Variants in KIR2DL3 observed in about 807,000 individuals in gnomAD.
KIR2DL3 encodes killer cell immunoglobulin like receptor, two Ig domains and long cytoplasmic tail 3.
KIR2DL3 carries 39 observed loss-of-function variants against 33.8 expected under a neutral mutation model. That is an observed-to-expected ratio of 1.15 (90% CI 0.89 to 1.51). The LOEUF is 1.51. Ranked by LOEUF, KIR2DL3 falls within the 40% of genes most tolerant of loss-of-function variation. The pLI, the probability that KIR2DL3 is intolerant of heterozygous loss-of-function variation, is 0.00. For synonymous variants in KIR2DL3, 174 were observed against 160.2 expected (o/e 1.09, Z -0.65); for missense variants, 462 against 426.2 (o/e 1.08, Z -0.74).
In KIR2DL3 at chr19:54,750,048, C is replaced by T. The variant is rs1177864020; in HGVS notation, c.716-1601C>T. 1.5e-5 allele frequency among the ~76,000 whole-genome samples: 2 copies of T among 133,008 alleles called. 1 individual carries two copies. Among genetic ancestry groups the T allele is most frequent in the South Asian group, 5.3e-4 (2 of 3,800 alleles). 87.3% of individuals were successfully genotyped at this position (133,008 alleles called of 152,430 possible). On this transcript the variant is annotated intron_variant, in intron 5 of 7. Transcript: ENST00000342376. The stretch of plus-strand genomic sequence containing the variant: ...TTAGGCAATGAGCTTAAAACCTCTT[C>T]CCTATTTGGCTTTCTGTGAGAATGA...
intron 4 of KIR2DL3, among the ~76,000 whole-genome samples, chr19:54,746,067 G>A (rs1412810494): frequency 1.5e-5 from 2 of 133,002 alleles, no homozygotes; most frequent in Admixed American, 1.6e-4. Flanking sequence ...CCCACCTCAG[G>A]CTCTCAAAGG....
chr19:54,752,222 T>C lies in KIR2DL3; in HGVS notation c.827T>C (p.Val276Ala), dbSNP rs2365227. ...HRWCCNKKNA[V>A]VMDQEPAGNR... ...TGACTTCCGTCTTCTACAGATGCTG[T>C]TGTAATGGACCAAGAGCCTGCAGGG... The change falls in exon 7 of 8, where the codon GTT becomes GCT. Residue 276 changes from valine to alanine, a missense_variant. Coordinates refer to ENST00000342376, the MANE Select transcript of KIR2DL3 (RefSeq NM_015868.3). The C allele has an allele frequency of 8.1e-3, 11,244 of 1,387,958 alleles. 2,706 individuals are homozygous for C. Among genetic ancestry groups the C allele is most frequent in the African/African-American group, 0.051 (3,072 of 59,722 alleles). 86.0% of individuals were successfully genotyped at this position (1,387,958 alleles called of 1,614,324 possible).
intron 2 of KIR2DL3, among the ~76,000 whole-genome samples, chr19:54,740,955 G>A (rs1440463937): frequency 6.6e-5 from 10 of 151,508 alleles, no homozygotes; most frequent in Non-Finnish European, 8.8e-5. Flanking sequence ...AATGCAGGTG[G>A]CCTATAGAGG....
chr19:54,743,667 G>A (rs1476187302), intron 3 of KIR2DL3, 128 bp from the exon 4 acceptor site: 1 of 966,114 alleles, frequency 1.0e-6, no homozygotes, highest in South Asian at 1.8e-5. Flanking sequence ...AGAGAGATGG[G>A]GTGGAGGGTG....
Position 54,743,967 on chromosome 19 carries a change from C to G in KIR2DL3, c.543C>G (p.Phe181Leu). ...FSAGPKVNGT[F>L]QADFPLGPAT... The stretch of plus-strand genomic sequence containing the variant: ...CAGGGCCCAAGGTCAACGGAACATT[C>G]CAGGCCGACTTTCCTCTGGGCCCTG... The change falls in exon 4 of 8, where the codon TTC (phenylalanine) becomes TTG (leucine). Residue 181 changes from phenylalanine to leucine, a missense_variant. By Grantham distance (22) the Phe-to-Leu change is conservative. Transcript: ENST00000342376. 6.2e-7 allele frequency: 1 copy of G among 1,614,228 alleles called. No individual in the cohort carries two copies. The highest frequency in any genetic ancestry group is 8.5e-7 in the Non-Finnish European group (1 of 1,180,044).
chr19:54,739,682 C>T (rs13344942), intron 2 of KIR2DL3, 140 bp downstream of exon 2: 106,047 of 967,572 alleles, frequency 0.11, 9 homozygotes, highest in South Asian at 0.16. Context: ...TTTCTGACCT[C>T]GCCTCCCTGG....
At chr19:54,749,522 A>G (rs1382825071) in intron 5 of KIR2DL3, among the ~76,000 whole-genome samples, 3 of 116,394 alleles carry the variant, frequency 2.6e-5, no homozygotes, top group Admixed American at 8.8e-5. Context: ...TCTGAGATTT[A>G]TTCATCCTAC....
intron 4 of KIR2DL3, among the ~76,000 whole-genome samples, chr19:54,746,520 G>T (rs1367076974): frequency 6.7e-6 from 1 of 148,232 alleles, no homozygotes; most frequent in African/African-American, 2.5e-5. Flanking sequence ...TGTTTCATAG[G>T]TTCAGGCCTT....
Position 54,741,975 on chromosome 19 carries a change from C to T in KIR2DL3, c.71-5C>T. ...ACCTTCTAAACTCACAACCTCTCTTCCTAGGAGTCCACAGAAAACCTTCCC... is the reference window on the plus strand; with the variant it reads ...ACCTTCTAAACTCACAACCTCTCTTTCTAGGAGTCCACAGAAAACCTTCCC... On this transcript the variant is annotated splice_polypyrimidine_tract_variant and splice_region_variant and intron_variant, in intron 2 of 7. Coordinates refer to ENST00000342376, the MANE Select transcript of KIR2DL3 (RefSeq NM_015868.3). 6.2e-7 allele frequency: 1 copy of T among 1,603,122 alleles called. No homozygotes were observed. Among genetic ancestry groups the T allele is most frequent in the Non-Finnish European group, 8.5e-7 (1 of 1,172,368 alleles).
intron 5 of KIR2DL3, among the ~76,000 whole-genome samples, chr19:54,750,243 T>C (rs370182310): frequency 8.8e-6 from 1 of 114,254 alleles, no homozygotes; most frequent in Admixed American, 9.4e-5. Context: ...GAGGTAAACA[T>C]TGATACTCCT....
intron 2 of KIR2DL3, among the ~76,000 whole-genome samples, chr19:54,740,977 A>G (rs1416221114): frequency 1.3e-5 from 2 of 151,810 alleles, no homozygotes; most frequent in Non-Finnish European, 2.9e-5. Flanking sequence ...TGGAAAAGTC[A>G]AGGAACTGAT....
intron 4 of KIR2DL3, among the ~76,000 whole-genome samples, chr19:54,744,886 A>ATT (rs1471025327): frequency 1.5e-5 from 1 of 67,428 alleles, no homozygotes; most frequent in African/African-American, 5.0e-5. Context: ...ATATATATAT[A>ATT]TATATATATA....
intron 5 of KIR2DL3, among the ~76,000 whole-genome samples, chr19:54,750,758 A>G (rs570427185): frequency 2.9e-5 from 4 of 137,270 alleles, no homozygotes; most frequent in South Asian, 2.5e-4. Flanking sequence ...ACAGATAAGC[A>G]GCGAGTGACA....
In KIR2DL3 at chr19:54,738,554, C is replaced by CA; in HGVS notation, c.10dup (p.Met4AsnfsTer20). 6.2e-7 allele frequency: 1 copy of CA among 1,614,212 alleles called. No individual in the cohort carries two copies. The highest frequency in any genetic ancestry group is 1.1e-5 in the South Asian group (1 of 91,088). Reference sequence around the variant, plus strand: ...TCTGCACAGACAGCACCATGTCGCTCATGGTCGTCAGCATGGTGTGTGTTG... The same window carrying CA: ...TCTGCACAGACAGCACCATGTCGCTCAATGGTCGTCAGCATGGTGTGTGTTG... On this transcript the variant is annotated frameshift_variant, in exon 1 of 8. Coordinates refer to ENST00000342376, the MANE Select transcript of KIR2DL3 (RefSeq NM_015868.3). LOFTEE classifies it high-confidence loss of function.
intron 2 of KIR2DL3, among the ~76,000 whole-genome samples, chr19:54,740,304 C>G (rs1212584208): frequency 3.3e-5 from 5 of 152,058 alleles, no homozygotes; most frequent in Admixed American, 1.3e-4. Flanking sequence ...CTGCCTGGCC[C>G]AGCCTTGTGG....
intron 5 of KIR2DL3, among the ~76,000 whole-genome samples, chr19:54,749,478 C>T (rs1254362892): frequency 8.3e-6 from 1 of 120,226 alleles, no homozygotes; most frequent in East Asian, 2.1e-4. Context: ...GTTTGATTTT[C>T]CTACTTGTTT....
rs1491087170 is a variant in KIR2DL3 at position 54,739,544 on chromosome 19, TGA to T, written c.70+4_70+5del. ...TGCAGGGGGCCTGGCCACATGAGGG[TGA>T]GTCCTTCTCCAAACCTTCGGGTGTC... On this transcript the variant is annotated splice_donor_region_variant and intron_variant, in intron 2 of 7. Coordinates refer to ENST00000342376, the MANE Select transcript of KIR2DL3 (RefSeq NM_015868.3). 6.2e-7 allele frequency: 1 copy of T among 1,613,894 alleles called. No individual in the cohort carries two copies. Among genetic ancestry groups the T allele is most frequent in the African/African-American group, 1.3e-5 (1 of 74,886 alleles).
chr19:54,741,526 G>A (rs1441600409), intron 2 of KIR2DL3, among the ~76,000 whole-genome samples: 25 of 152,210 alleles, frequency 1.6e-4, no homozygotes, highest in Middle Eastern at 3.4e-3. Flanking sequence ...GGCATGGCAA[G>A]AGTGGCTCCC....
intron 2 of KIR2DL3, 42 bp from the exon 3 acceptor site, chr19:54,741,938 A>G: frequency 6.5e-7 from 1 of 1,530,080 alleles, no homozygotes; most frequent in Non-Finnish European, 9.0e-7. Context: ...GGATGGGATG[A>G]TAAAGAGAGA....
Sources: allele counts gnomAD v4.1 joint callset (sites outside exome capture counted in the v4.1 genomes callset), GRCh38; gene constraint gnomAD v4.1.1; transcripts MANE v1.5; gene names NCBI Gene and HGNC (gene_info 2026-07-23, HGNC 2026-07-21).